DRC9: variants seen among roughly 807,000 people sequenced by gnomAD.
The protein encoded by DRC9 is dynein regulatory complex protein 9.
the DRC9 span, chr3:197,952,408 TC>T: frequency 6.6e-6 from 1 of 152,162 alleles, no homozygotes; most frequent in Non-Finnish European, 1.5e-5. Flanking sequence ...GAACTTGTGA[TC>T]CACCCACCTC....
At chr3:197,950,953 C>A in the DRC9 span, 2 of 1,614,070 alleles carry the variant, frequency 1.2e-6, no homozygotes. Context: ...GGGAACGGGA[C>A]TTCTAAAAGG....
the DRC9 span, among the ~76,000 whole-genome samples, chr3:197,933,309 T>G: frequency 6.6e-6 from 1 of 151,254 alleles, no homozygotes; most frequent in Non-Finnish European, 1.5e-5. Context: ...GGTGTGGTGG[T>G]GCCCACCTGT....
chr3:197,922,140 C>G, the DRC9 span, among the ~76,000 whole-genome samples: 1 of 152,162 alleles, frequency 6.6e-6, no homozygotes, highest in African/African-American at 2.4e-5. Flanking sequence ...TTTTAAGACC[C>G]ACTACGAAGC....
At chr3:197,908,182 C>T in the DRC9 span, among the ~76,000 whole-genome samples, 40 of 139,870 alleles carry the variant, frequency 2.9e-4, no homozygotes, top group Admixed American at 8.0e-4. Context: ...GTCTGAAGAG[C>T]GATCCCTTTC....
the DRC9 span, chr3:197,926,009 G>C: frequency 7.2e-7 from 1 of 1,381,672 alleles, no homozygotes. Context: ...TTGGTGTTAA[G>C]CAGGTAATTC....
At chr3:197,889,781 A>C in the DRC9 span, 1 of 1,569,410 alleles carries the variant, frequency 6.4e-7, no homozygotes, top group Non-Finnish European at 8.8e-7. Context: ...TTTCCACATA[A>C]AGGGACTGTT....
At chr3:197,955,322 G>A in the DRC9 span, among the ~76,000 whole-genome samples, 1 of 151,386 alleles carries the variant, frequency 6.6e-6, no homozygotes, top group Non-Finnish European at 1.5e-5. Flanking sequence ...AGGCTGGAGT[G>A]CAGTGGTGGG....
At chr3:197,910,550 C>T in the DRC9 span, among the ~76,000 whole-genome samples, 3 of 152,146 alleles carry the variant, frequency 2.0e-5, no homozygotes, top group African/African-American at 7.2e-5. Flanking sequence ...TGCAAGAGAG[C>T]ATCTACAAAT....
chr3:197,951,407 G>T, the DRC9 span: 2 of 1,353,004 alleles, frequency 1.5e-6, no homozygotes, highest in South Asian at 2.3e-5. Flanking sequence ...AGGCTGGAAT[G>T]CAGTGACTTG....
At chr3:197,952,711 C>G in the DRC9 span, 29 of 152,156 alleles carry the variant, frequency 1.9e-4, no homozygotes, top group Admixed American at 1.2e-3. Context: ...TCACTCTGGT[C>G]TTGAACTCCT....
the DRC9 span, among the ~76,000 whole-genome samples, chr3:197,939,356 GT>G: frequency 6.6e-6 from 1 of 152,220 alleles, no homozygotes; most frequent in Non-Finnish European, 1.5e-5. Flanking sequence ...TAGTGGTGTG[GT>G]GTAGACTTTG....
At chr3:197,913,970 G>A in the DRC9 span, 2 of 1,613,930 alleles carry the variant, frequency 1.2e-6, no homozygotes, top group Middle Eastern at 3.3e-4. Context: ...TTCATGTAGC[G>A]ATTCTCCAAG....
the DRC9 span, among the ~76,000 whole-genome samples, chr3:197,921,371 G>A: frequency 5.5e-5 from 3 of 54,398 alleles, no homozygotes; most frequent in Admixed American, 5.6e-4. Context: ...CAGTAACTCC[G>A]GGGATTTAAC....
chr3:197,912,646 C>T, the DRC9 span: 1 of 1,563,148 alleles, frequency 6.4e-7, no homozygotes. Context: ...AAAAAAAAGT[C>T]AAAGCATAGA....
the DRC9 span, chr3:197,960,172 C>A: frequency 3.3e-6 from 5 of 1,509,436 alleles, no homozygotes; most frequent in African/African-American, 1.4e-5. Flanking sequence ...CCGTCTACCC[C>A]CAGCGGCGAG....
chr3:197,954,143 G>A, the DRC9 span: 1 of 1,614,192 alleles, frequency 6.2e-7, no homozygotes. Flanking sequence ...CACAGAATCC[G>A]AGTGGTGAGT....
the DRC9 span, among the ~76,000 whole-genome samples, chr3:197,902,307 A>C: frequency 2.0e-5 from 3 of 152,220 alleles, no homozygotes; most frequent in Non-Finnish European, 4.4e-5. Flanking sequence ...CAATGCCCAT[A>C]TACCGATGAA....
the DRC9 span, chr3:197,914,037 C>A: frequency 1.2e-6 from 2 of 1,613,660 alleles, no homozygotes; most frequent in Admixed American, 3.3e-5. Context: ...TATACTCATT[C>A]TGACTCTGTA....
At chr3:197,919,406 C>T in the DRC9 span, among the ~76,000 whole-genome samples, 904 of 152,300 alleles carry the variant, frequency 5.9e-3, 11 homozygotes, top group African/African-American at 0.02. Context: ...CAGTGGGGTA[C>T]AGGCTCCTTT....
Sources: allele counts gnomAD v4.1 joint callset (sites outside exome capture counted in the v4.1 genomes callset), GRCh38; gene constraint gnomAD v4.1.1; transcripts MANE v1.5; gene names NCBI Gene and HGNC (gene_info 2026-07-23, HGNC 2026-07-21).